Variants in LINC00305 observed in about 807,000 individuals in gnomAD.
The protein encoded by LINC00305 is long intergenic non-protein coding RNA 305.
rs1419904126 is a variant in LINC00305 at position 64,123,516 on chromosome 18, C to T, written n.315-24876G>A. Among the ~76,000 whole-genome samples the T allele has an allele frequency of 2.0e-5, 3 of 152,248 alleles. No homozygotes were observed. In the South Asian group the frequency reaches 6.2e-4, roughly 32 times the overall value. ...TAAAAAAATCACACTGTACCCCTTT[C>T]TCTGCTAATAAATTCACATAGCAGC... On this transcript the variant is annotated intron_variant and non_coding_transcript_variant, in intron 1 of 3. Coordinates refer to ENST00000666468, the Ensembl canonical transcript of LINC00305.
chr18:64,146,945 G>A (rs1173084846), intron 1 of LINC00305, among the ~76,000 whole-genome samples: 1 of 152,152 alleles, frequency 6.6e-6, no homozygotes, highest in East Asian at 1.9e-4. Context: ...ATATTAGCAA[G>A]TCAATTTGTA....
At chr18:64,085,874 G>T (rs889810314) in intron 3 of LINC00305, among the ~76,000 whole-genome samples, 3 of 152,202 alleles carry the variant, frequency 2.0e-5, no homozygotes, top group African/African-American at 7.2e-5. Flanking sequence ...TCTGCCATTA[G>T]CTAATGAGGA....
chr18:64,114,085 CG>C (rs901331860), intron 1 of LINC00305, among the ~76,000 whole-genome samples: 2 of 152,090 alleles, frequency 1.3e-5, no homozygotes, highest in African/African-American at 4.8e-5. Context: ...CTGGCTAACT[CG>C]GTGAAACCCC....
intron 1 of LINC00305, among the ~76,000 whole-genome samples, chr18:64,118,824 CTGTGTGTG>C (rs58215196): frequency 0.064 from 9,249 of 144,330 alleles, 371 homozygotes; most frequent in Non-Finnish European, 0.098. Flanking sequence ...CCCTGGGGGT[CTGTGTGTG>C]TGTGTGTGTG....
chr18:64,081,659 A>T (rs2051185481), intron 3 of LINC00305, among the ~76,000 whole-genome samples: 1 of 152,222 alleles, frequency 6.6e-6, no homozygotes, highest in African/African-American at 2.4e-5. Flanking sequence ...TTGGGTTAAA[A>T]GAATTTGAGT....
intron 1 of LINC00305, among the ~76,000 whole-genome samples, chr18:64,143,755 A>G (rs1186065633): frequency 4.2e-5 from 3 of 71,514 alleles, no homozygotes; most frequent in Non-Finnish European, 8.9e-5. Context: ...GCGTACATGT[A>G]TGTACACATA....
chr18:64,143,593 C>A (rs935928874), intron 1 of LINC00305, among the ~76,000 whole-genome samples: 1 of 81,944 alleles, frequency 1.2e-5, no homozygotes, highest in Admixed American at 1.0e-4. Context: ...TACATATGTA[C>A]ACATATGTAT....
At chr18:64,092,178 G>A (rs552443187) in intron 3 of LINC00305, among the ~76,000 whole-genome samples, 11 of 152,300 alleles carry the variant, frequency 7.2e-5, no homozygotes, top group East Asian at 3.9e-4. Flanking sequence ...TGCTTACTGG[G>A]TGCCTTTTCT....
intron 1 of LINC00305, among the ~76,000 whole-genome samples, chr18:64,147,843 C>T (rs1047398022): frequency 6.6e-6 from 1 of 152,126 alleles, no homozygotes; most frequent in Non-Finnish European, 1.5e-5. Flanking sequence ...AGGACCAAGT[C>T]TCCTGTGTGA....
chr18:64,093,417 C>A (rs1277026725), intron 3 of LINC00305, among the ~76,000 whole-genome samples: 2 of 152,192 alleles, frequency 1.3e-5, no homozygotes, highest in Admixed American at 6.5e-5. Context: ...TCACTGCAAG[C>A]TCTACCTCCT....
chr18:64,137,976 A>G (rs1193277733), intron 1 of LINC00305, among the ~76,000 whole-genome samples: 1 of 152,152 alleles, frequency 6.6e-6, no homozygotes, highest in Non-Finnish European at 1.5e-5. Context: ...TGGATGAGAA[A>G]TATTAATTTC....
At chr18:64,098,355 T>A (rs2051254733) in intron 2 of LINC00305, among the ~76,000 whole-genome samples, 1 of 152,062 alleles carries the variant, frequency 6.6e-6, no homozygotes, top group Admixed American at 6.6e-5. Flanking sequence ...AATGCAACAA[T>A]AAGGAGGATA....
intron 1 of LINC00305, among the ~76,000 whole-genome samples, chr18:64,135,826 G>A (rs2051430809): frequency 6.6e-6 from 1 of 152,122 alleles, no homozygotes; most frequent in Non-Finnish European, 1.5e-5. Context: ...CTCCAGGCCT[G>A]CCTCGGCTTC....
At chr18:64,112,275 G>C (rs1336408051) in intron 1 of LINC00305, among the ~76,000 whole-genome samples, 1 of 150,088 alleles carries the variant, frequency 6.7e-6, no homozygotes, top group Non-Finnish European at 1.5e-5. Context: ...TAGCCCATTA[G>C]CGACTACACG....
At chr18:64,130,846 A>C (rs943536948) in intron 1 of LINC00305, among the ~76,000 whole-genome samples, 3 of 152,214 alleles carry the variant, frequency 2.0e-5, no homozygotes, top group Non-Finnish European at 4.4e-5. Flanking sequence ...TGAGATGTTC[A>C]TGTTGCATAG....
intron 1 of LINC00305, among the ~76,000 whole-genome samples, chr18:64,109,039 C>T (rs1481211770): frequency 3.3e-5 from 5 of 152,184 alleles, no homozygotes; most frequent in Non-Finnish European, 5.9e-5. Context: ...ATCTCCCTTA[C>T]CCCCACATTT....
chr18:64,108,751 C>T (rs1442049395), intron 1 of LINC00305, among the ~76,000 whole-genome samples: 4 of 152,106 alleles, frequency 2.6e-5, no homozygotes, highest in African/African-American at 4.8e-5. Flanking sequence ...AGGAACCAGC[C>T]CCAAACAAGT....
exon 3 of LINC00305, chr18:64,097,932 G>A (rs1420415545): frequency 2.2e-6 from 1 of 458,044 alleles, no homozygotes. Flanking sequence ...TAAACCAGAA[G>A]GCTGCTGACC....
At chr18:64,147,444 C>A (rs2051503396) in intron 1 of LINC00305, 1 of 152,174 alleles carries the variant, frequency 6.6e-6, no homozygotes, top group South Asian at 2.1e-4. Flanking sequence ...CTCCACAATG[C>A]TATATCTGCT....
Sources: allele counts gnomAD v4.1 joint callset (sites outside exome capture counted in the v4.1 genomes callset), GRCh38; gene constraint gnomAD v4.1.1; transcripts MANE v1.5; gene names NCBI Gene and HGNC (gene_info 2026-07-23, HGNC 2026-07-21).